The following AUTS2 variants were observed in gnomAD, a reference collection of about 807,000 sequenced individuals.
AUTS2 encodes the protein autism susceptibility gene 2 protein.
AUTS2 carries 17 observed loss-of-function variants against 112.4 expected under a neutral mutation model. That is an observed-to-expected ratio of 0.15 (90% CI 0.10 to 0.23). AUTS2 has a LOEUF of 0.23. Ranked by LOEUF, AUTS2 falls within the 10% of genes least tolerant of loss-of-function variation. AUTS2 has a pLI of 1.00. For synonymous variants in AUTS2, 751 were observed against 702.7 expected (o/e 1.07, Z -1.09); for missense variants, 1,510 against 1,701.6 (o/e 0.89, Z 1.98).
intron 1 of AUTS2, among the ~76,000 whole-genome samples, chr7:69,743,784 T>C (rs1033304807): frequency 1.1e-4 from 17 of 152,314 alleles, no homozygotes; most frequent in Admixed American, 9.2e-4. Flanking sequence ...TTTTAAATTT[T>C]ATCTACCTAC....
At position 70,603,906 on chromosome 7, in the gene AUTS2, T is replaced by C. The variant is rs995427541; in HGVS notation, c.691-94663T>C. 4.5e-5 allele frequency among the ~76,000 whole-genome samples: 6 copies of C among 133,712 alleles called. No individual in the cohort carries two copies. The East Asian group carries it at 1.2e-3, about 26-fold the overall frequency. 87.7% of individuals were successfully genotyped at this position (133,712 alleles called of 152,430 possible). ...CTAGCAGCCAGGTGCTTCAGCACTT[T>C]AGTATTTTCTGCCACTCAAAAAATC... On this transcript the variant is annotated intron_variant, in intron 5 of 18. Coordinates refer to ENST00000342771, the MANE Select transcript of AUTS2 (RefSeq NM_015570.4).
At chr7:70,619,328 G>T (rs1804546827) in intron 5 of AUTS2, among the ~76,000 whole-genome samples, 1 of 152,176 alleles carries the variant, frequency 6.6e-6, no homozygotes, top group South Asian at 2.1e-4. Flanking sequence ...GGATGCTGTG[G>T]ACTTTAACCC....
At chr7:70,323,094 T>C (rs1790329531) in intron 4 of AUTS2, among the ~76,000 whole-genome samples, 1 of 152,214 alleles carries the variant, frequency 6.6e-6, no homozygotes, top group Admixed American at 6.5e-5. Flanking sequence ...CAGGGATATT[T>C]CCCAAAGGAA....
At chr7:69,798,708 TAGCTGGG>T (rs1284526841) in intron 1 of AUTS2, among the ~76,000 whole-genome samples, 1 of 152,162 alleles carries the variant, frequency 6.6e-6, no homozygotes, top group African/African-American at 2.4e-5. Flanking sequence ...CAATTAAAAA[TAGCTGGG>T]TGTGGTGACT....
At chr7:69,663,226 T>C (rs1795882662) in intron 1 of AUTS2, 1 of 152,236 alleles carries the variant, frequency 6.6e-6, no homozygotes, top group African/African-American at 2.4e-5. Context: ...AAACTTTGAC[T>C]TTCCAGAGTG....
intron 5 of AUTS2, among the ~76,000 whole-genome samples, chr7:70,557,713 C>G (rs1415393366): frequency 6.6e-6 from 1 of 152,192 alleles, no homozygotes; most frequent in Non-Finnish European, 1.5e-5. Flanking sequence ...GATGTGTCCT[C>G]AAGTCCCGGA....
chr7:69,773,108 C>T (rs541379510), intron 1 of AUTS2, among the ~76,000 whole-genome samples: 1 of 152,134 alleles, frequency 6.6e-6, no homozygotes, highest in African/African-American at 2.4e-5. Flanking sequence ...AAGGTTAGTG[C>T]GCAGCCGACC....
chr7:70,192,528 A>T (rs1485221262), intron 4 of AUTS2, among the ~76,000 whole-genome samples: 1 of 152,224 alleles, frequency 6.6e-6, no homozygotes, highest in Non-Finnish European at 1.5e-5. Flanking sequence ...AACACAACTT[A>T]AAATGAGAAG....
intron 1 of AUTS2, among the ~76,000 whole-genome samples, chr7:69,828,131 G>A (rs1791334861): frequency 1.3e-5 from 2 of 152,086 alleles, no homozygotes; most frequent in Admixed American, 6.6e-5. Context: ...ATTTTATTTA[G>A]GTGTTCACTT....
intron 4 of AUTS2, among the ~76,000 whole-genome samples, chr7:70,167,239 A>T (rs980681162): frequency 2.6e-5 from 4 of 152,176 alleles, no homozygotes; most frequent in Non-Finnish European, 5.9e-5. Context: ...ACAAACAAAC[A>T]AAACAAAACA....
intron 5 of AUTS2, among the ~76,000 whole-genome samples, chr7:70,689,775 C>CAAAAAAAAAAAAAAAAAAAA (rs60869776): frequency 1.3e-5 from 1 of 74,706 alleles, no homozygotes; most frequent in Non-Finnish European, 2.6e-5. Flanking sequence ...GACTCCGTCT[C>CAAAAAAAAAAAAAAAAAAAA]AAAAAAAAAA....
rs573357697 is a variant in AUTS2, at chr7:69,829,146, A to C, written c.310-70140A>C. Among the ~76,000 whole-genome samples the C allele has an allele frequency of 2.6e-5, 4 of 152,310 alleles. No individual in the cohort carries two copies. The South Asian group carries it at 8.3e-4, about 32-fold the overall frequency. On this transcript the variant is annotated intron_variant, in intron 1 of 18. Transcript: ENST00000342771. ...GGCCAAAACAAGCAATGGGGAAAGGATTCCCTATTTAATAAATGGTGCTGG... is the reference window on the plus strand; with the variant it reads ...GGCCAAAACAAGCAATGGGGAAAGGCTTCCCTATTTAATAAATGGTGCTGG...
intron 4 of AUTS2, among the ~76,000 whole-genome samples, chr7:70,249,545 T>C (rs1043734303): frequency 1.3e-5 from 2 of 152,082 alleles, no homozygotes; most frequent in East Asian, 3.9e-4. Flanking sequence ...TTTTAACAAG[T>C]TTCCCCAAGT....
intron 5 of AUTS2, among the ~76,000 whole-genome samples, chr7:70,695,694 C>A (rs1418254451): frequency 1.3e-5 from 2 of 149,010 alleles, no homozygotes; most frequent in African/African-American, 4.8e-5. Flanking sequence ...TTATTCTCCG[C>A]GTTCCCGCCT....
chr7:70,352,416 C>A (rs1286001576), intron 4 of AUTS2, among the ~76,000 whole-genome samples: 1 of 152,092 alleles, frequency 6.6e-6, no homozygotes, highest in East Asian at 1.9e-4. Flanking sequence ...TGTAAACTCC[C>A]TGAGGGTAGA....
At chr7:70,304,164 T>A (rs1390282937) in intron 4 of AUTS2, among the ~76,000 whole-genome samples, 2 of 152,196 alleles carry the variant, frequency 1.3e-5, no homozygotes, top group Non-Finnish European at 2.9e-5. Flanking sequence ...GGGGTCCTCT[T>A]CTACTCAGCA....
intron 4 of AUTS2, among the ~76,000 whole-genome samples, chr7:70,143,538 C>G (rs911322534): frequency 6.6e-6 from 1 of 152,188 alleles, no homozygotes; most frequent in African/African-American, 2.4e-5. Context: ...TCCAATTTTT[C>G]TTCAGTAATT....
intron 4 of AUTS2, among the ~76,000 whole-genome samples, chr7:70,294,398 C>T (rs1324998492): frequency 6.6e-6 from 1 of 152,210 alleles, no homozygotes; most frequent in Non-Finnish European, 1.5e-5. Flanking sequence ...AAACTGCATC[C>T]TCTCTTCCTT....
chr7:69,956,749 T>C (rs1466227909), intron 2 of AUTS2, among the ~76,000 whole-genome samples: 1 of 152,170 alleles, frequency 6.6e-6, no homozygotes, highest in Non-Finnish European at 1.5e-5. Flanking sequence ...TGGGAGTTCC[T>C]AAAGTGGCAC....
Sources: gnomAD v4.1 joint callset for allele counts (sites outside exome capture counted in the v4.1 genomes callset) on GRCh38, gnomAD v4.1.1 for gene constraint, MANE v1.5 for transcripts, NCBI Gene and HGNC (gene_info 2026-07-23, HGNC 2026-07-21) for gene names.